The following SPIDR variants were observed in gnomAD, a reference collection of about 807,000 sequenced individuals.
The protein encoded by SPIDR is scaffold protein involved in DNA repair, also known as DNA repair-scaffolding protein.
Under a neutral mutation model 104.6 loss-of-function variants are expected in SPIDR, and 93 were observed. That is an observed-to-expected ratio of 0.89 (90% CI 0.75 to 1.06). SPIDR has a LOEUF of 1.06. SPIDR is among the 50% of genes least tolerant of loss of function. The probability of loss-of-function intolerance (pLI) is 0.00; values close to 1 mark genes in which losing one functional copy is unlikely to be tolerated. For synonymous variants in SPIDR, 431 were observed against 416.9 expected (o/e 1.03, Z -0.41); for missense variants, 1,154 against 1,111.2 (o/e 1.04, Z -0.55).
intron 10 of SPIDR, among the ~76,000 whole-genome samples, chr8:47,663,329 T>A (rs1325101615): frequency 2.6e-5 from 4 of 152,224 alleles, no homozygotes; most frequent in Admixed American, 2.0e-4. Flanking sequence ...GTTGCACACT[T>A]GTGTGTGATT....
At position 47,324,122 on chromosome 8, in the gene SPIDR, TTAAG is replaced by T. The variant is rs566878862; in HGVS notation, c.525+30094_525+30097del. Reference sequence around the variant, plus strand: ...TCATAATAAAAAATTTCTTATGAAATTAAGTCTTTATAGATACCTCATTTAATTC... The same window carrying T: ...TCATAATAAAAAATTTCTTATGAAATTCTTTATAGATACCTCATTTAATTC... On this transcript the variant is annotated intron_variant, in intron 5 of 19. Transcript: ENST00000297423. Among the ~76,000 whole-genome samples, 505 of 152,274 alleles carry T rather than the reference TTAAG, an allele frequency of 3.3e-3. 1 individual carries two copies. Among genetic ancestry groups the T allele is most frequent in the Non-Finnish European group, 5.6e-3 (380 of 68,026 alleles).
At chr8:47,562,387 G>A (rs1298567011) in intron 8 of SPIDR, among the ~76,000 whole-genome samples, 2 of 152,162 alleles carry the variant, frequency 1.3e-5, no homozygotes, top group African/African-American at 2.4e-5. Flanking sequence ...TTTCCTTCAG[G>A]GGTGAAATGA....
In SPIDR at chr8:47,501,044, G is replaced by A. The variant is rs1221552470; in HGVS notation, c.1097+60502G>A. ...AGTACCATGCTGTTTTGGTTACTGT[G>A]GCCTTGTAGTATAGTTTGAAGTCAG... is the stretch of plus-strand genomic sequence containing the variant. On this transcript the variant is annotated intron_variant, in intron 8 of 19. Transcript: ENST00000297423. 5.8e-4 allele frequency among the ~76,000 whole-genome samples: 88 copies of A among 152,128 alleles called. 2 individuals carry two copies. The highest frequency in any genetic ancestry group is 3.7e-3 in the Admixed American group (57 of 15,262).
intron 8 of SPIDR, among the ~76,000 whole-genome samples, chr8:47,524,644 G>T (rs1330806644): frequency 2.6e-5 from 4 of 152,172 alleles, no homozygotes; most frequent in Non-Finnish European, 5.9e-5. Flanking sequence ...CAAAGTATGC[G>T]ACTGTCCTGA....
At chr8:47,703,018 G>A (rs2080542547) in intron 14 of SPIDR, among the ~76,000 whole-genome samples, 1 of 152,216 alleles carries the variant, frequency 6.6e-6, no homozygotes, top group Non-Finnish European at 1.5e-5. Flanking sequence ...GGTGGCACCA[G>A]GGGCTGTCTT....
intron 8 of SPIDR, among the ~76,000 whole-genome samples, chr8:47,526,752 G>A (rs2085052624): frequency 1.3e-5 from 2 of 152,136 alleles, no homozygotes; most frequent in Admixed American, 1.3e-4. Flanking sequence ...TTCTAGTCTG[G>A]CATATAAGGC....
At chr8:47,437,556 A>G (rs191277187) in intron 7 of SPIDR, among the ~76,000 whole-genome samples, 3 of 152,244 alleles carry the variant, frequency 2.0e-5, no homozygotes, top group East Asian at 1.9e-4. Flanking sequence ...ATAAAAAACA[A>G]CCCCATCAAA....
chr8:47,487,778 G>T (rs578194489), intron 8 of SPIDR, among the ~76,000 whole-genome samples: 1 of 152,230 alleles, frequency 6.6e-6, no homozygotes, highest in African/African-American at 2.4e-5. Context: ...CGAAATGAAG[G>T]CTGAAATAAA....
chr8:47,349,643 C>A (rs1185737251), intron 5 of SPIDR, among the ~76,000 whole-genome samples: 1 of 152,190 alleles, frequency 6.6e-6, no homozygotes, highest in Non-Finnish European at 1.5e-5. Context: ...AGCTTCCTGG[C>A]CAGTTTGTTT....
chr8:47,645,249 C>T (rs958121890), intron 10 of SPIDR, among the ~76,000 whole-genome samples: 1 of 152,128 alleles, frequency 6.6e-6, no homozygotes, highest in Non-Finnish European at 1.5e-5. Flanking sequence ...GACCAGAGTG[C>T]TTATGGTGAA....
chr8:47,675,111 A>G (rs940395844), intron 11 of SPIDR, among the ~76,000 whole-genome samples: 1 of 152,192 alleles, frequency 6.6e-6, no homozygotes, highest in African/African-American at 2.4e-5. Flanking sequence ...GTCTTGGCTC[A>G]CTGCAACCTC....
chr8:47,395,486 A>G (rs1554657764), intron 5 of SPIDR, among the ~76,000 whole-genome samples: 1 of 152,238 alleles, frequency 6.6e-6, no homozygotes, highest in Non-Finnish European at 1.5e-5. Context: ...CTTTTAGTGC[A>G]CTGGAAGTTA....
At chr8:47,651,518 A>G (rs992639873) in intron 10 of SPIDR, among the ~76,000 whole-genome samples, 1 of 152,234 alleles carries the variant, frequency 6.6e-6, no homozygotes, top group Non-Finnish European at 1.5e-5. Flanking sequence ...AAATTAGTAC[A>G]GGTCTATGGA....
Position 47,323,086 on chromosome 8 carries a change from A to G in SPIDR, c.525+29056A>G, listed in dbSNP as rs564126384. On this transcript the variant is annotated intron_variant, in intron 5 of 19. Coordinates refer to ENST00000297423, the MANE Select transcript of SPIDR (RefSeq NM_001080394.4). ...GCATGTACCCGAAAACGTAAAGTATAATAAAAAAAGAAGAAGAAGAGAAAA... is the reference window on the plus strand; with the variant it reads ...GCATGTACCCGAAAACGTAAAGTATGATAAAAAAAGAAGAAGAAGAGAAAA... Among the ~76,000 whole-genome samples, 533 of 151,598 alleles carry G rather than the reference A, an allele frequency of 3.5e-3. 6 individuals are homozygous for G. The highest frequency in any genetic ancestry group is 0.012 in the African/African-American group (505 of 40,978).
chr8:47,527,050 T>G (rs2085104773), intron 8 of SPIDR, among the ~76,000 whole-genome samples: 1 of 152,134 alleles, frequency 6.6e-6, no homozygotes, highest in Non-Finnish European at 1.5e-5. Context: ...GGGTCCTGTC[T>G]TGGAGAGAGG....
At chr8:47,504,192 A>G (rs1586812287) in intron 8 of SPIDR, among the ~76,000 whole-genome samples, 1 of 152,012 alleles carries the variant, frequency 6.6e-6, no homozygotes, top group Non-Finnish European at 1.5e-5. Context: ...GCCTTGCTAG[A>G]TTGGGGAAGT....
intron 11 of SPIDR, among the ~76,000 whole-genome samples, chr8:47,690,238 A>T (rs2078444139): frequency 6.6e-6 from 1 of 151,094 alleles, no homozygotes; most frequent in African/African-American, 2.4e-5. Context: ...ATGTTTCAGG[A>T]GCTCTTCATT....
chr8:47,399,585 C>G (rs1202910760), intron 6 of SPIDR, among the ~76,000 whole-genome samples: 1 of 152,150 alleles, frequency 6.6e-6, no homozygotes, highest in African/African-American at 2.4e-5. Context: ...GGCTGTCTGA[C>G]AGGATCAGGC....
At chr8:47,553,075 T>A (rs1328563003) in intron 8 of SPIDR, among the ~76,000 whole-genome samples, 1 of 152,220 alleles carries the variant, frequency 6.6e-6, no homozygotes, top group African/African-American at 2.4e-5. Context: ...TCTTTAAGAA[T>A]GTTGAATATC....
Sources: allele counts gnomAD v4.1 joint callset (sites outside exome capture counted in the v4.1 genomes callset), GRCh38; gene constraint gnomAD v4.1.1; transcripts MANE v1.5; gene names NCBI Gene and HGNC (gene_info 2026-07-23, HGNC 2026-07-21).